Variants in PRR14L observed in about 807,000 individuals in gnomAD.
PRR14L encodes the protein proline rich 14 like.
In PRR14L, 80 loss-of-function variants were observed where a neutral mutation model predicts 155.0. The ratio of observed to expected loss-of-function variants is 0.52; its 90% CI spans 0.43 to 0.62. The LOEUF (loss-of-function observed/expected upper bound fraction) is 0.62, where lower values mean the gene tolerates loss of function less well. PRR14L is among the 20% of genes least tolerant of loss of function. The pLI is 0.00. For synonymous variants in PRR14L, 883 were observed against 916.0 expected (o/e 0.96, Z 0.65); for missense variants, 2,469 against 2,548.0 (o/e 0.97, Z 0.67).
At chr22:31,722,417 GAAAAAAAA>G (rs563612373) in intron 3 of PRR14L, among the ~76,000 whole-genome samples, 1 of 82,184 alleles carries the variant, frequency 1.2e-5, no homozygotes, top group Non-Finnish European at 2.7e-5. Flanking sequence ...GTGACAGAAA[GAAAAAAAA>G]AAAAAAAAGA....
At chr22:31,694,519 G>T (rs1490336988) in intron 7 of PRR14L, among the ~76,000 whole-genome samples, 1 of 152,064 alleles carries the variant, frequency 6.6e-6, no homozygotes, top group Non-Finnish European at 1.5e-5. Context: ...AGGCTGAGGT[G>T]GGCGGATCAT....
chr22:31,699,963 T>G (rs983709727), intron 7 of PRR14L, among the ~76,000 whole-genome samples: 1 of 152,160 alleles, frequency 6.6e-6, no homozygotes, highest in African/African-American at 2.4e-5. Context: ...AATTTTATTT[T>G]TCTCAACCCC....
At position 31,685,244 on chromosome 22, in the gene PRR14L, TGAG is replaced by T; in HGVS notation, c.*280_*282del. ...GCTTCCTCCTGTGGATGGCAGAGAC[TGAG>T]GAGGTGGCTGGATGTCGTTCAGGTC... On this transcript the variant is annotated 3_prime_UTR_variant, in exon 9 of 9. Coordinates refer to ENST00000327423, the MANE Select transcript of PRR14L (RefSeq NM_173566.3). The T allele has an allele frequency of 3.1e-6, 1 of 324,992 alleles. No homozygotes were observed. Among genetic ancestry groups the T allele is most frequent in the Admixed American group, 4.5e-5 (1 of 22,094 alleles). 20.1% of individuals were successfully genotyped at this position (324,992 alleles called of 1,614,324 possible).
rs1026311772 is a variant in PRR14L at position 31,682,775 on chromosome 22, C to T, written c.*2752G>A. ...CCACTTGGGGAGGGAAGTTCCCATA[C>T]TCAGAAACTGTACCAACTCCACCCC... On this transcript the variant is annotated 3_prime_UTR_variant, in exon 9 of 9. Coordinates refer to ENST00000327423, the MANE Select transcript of PRR14L (RefSeq NM_173566.3). 3.3e-5 allele frequency: 5 copies of T among 152,090 alleles called. No individual in the cohort carries two copies. Among genetic ancestry groups the T allele is most frequent in the Non-Finnish European group, 5.9e-5 (4 of 68,022 alleles). The allele number at this position is 152,090 out of a possible 1,614,324, so 9.4% of individuals were successfully genotyped here. A position where few individuals can be genotyped will look rare whatever the true frequency, so the allele number is the denominator to read the frequency against.
chr22:31,701,911 G>T, intron 6 of PRR14L, 149 bp from the exon 7 acceptor site: 1 of 612,066 alleles, frequency 1.6e-6, no homozygotes, highest in Non-Finnish European at 2.8e-6. Context: ...GGACTCAAAT[G>T]ATCCTCCTGC....
chr22:31,744,428 C>T (rs1276038977), intron 1 of PRR14L, among the ~76,000 whole-genome samples: 1 of 151,984 alleles, frequency 6.6e-6, no homozygotes, highest in African/African-American at 2.4e-5. Flanking sequence ...CCACTATGCC[C>T]GGCCTACTTT....
At position 31,682,518 on chromosome 22, in the gene PRR14L, A is replaced by C. The variant is rs575773494; in HGVS notation, c.*3009T>G. ...TGAACTCATGGAGACATGAAGCTGGAAAGGAGACCAAAAGCAAAAAAAGAG... is the reference window on the plus strand; with the variant it reads ...TGAACTCATGGAGACATGAAGCTGGCAAGGAGACCAAAAGCAAAAAAAGAG... On this transcript the variant is annotated 3_prime_UTR_variant, in exon 9 of 9. Coordinates refer to ENST00000327423, the MANE Select transcript of PRR14L (RefSeq NM_173566.3). The C allele has an allele frequency of 1.3e-5, 2 of 151,974 alleles. No homozygotes were observed. Among genetic ancestry groups the C allele is most frequent in the East Asian group, 3.9e-4 (2 of 5,180 alleles). The allele number at this position is 151,974 out of a possible 1,614,324, so 9.4% of individuals were successfully genotyped here. A position where few individuals can be genotyped will look rare whatever the true frequency, so the allele number is the denominator to read the frequency against.
chr22:31,696,024 C>A (rs1347753148), intron 7 of PRR14L, among the ~76,000 whole-genome samples: 1 of 152,114 alleles, frequency 6.6e-6, no homozygotes, highest in Non-Finnish European at 1.5e-5. Flanking sequence ...TAGGTTGCTA[C>A]TAAATATGTT....
At chr22:31,709,062 A>G (rs2074606854) in intron 4 of PRR14L, among the ~76,000 whole-genome samples, 1 of 151,892 alleles carries the variant, frequency 6.6e-6, no homozygotes, top group Non-Finnish European at 1.5e-5. Context: ...ACCTCAGCTG[A>G]TCTGCCCGCC....
chr22:31,712,732 A>C lies in PRR14L; in HGVS notation c.5107T>G (p.Leu1703Val), dbSNP rs537981144. The change falls in exon 4 of 9, where the codon TTG (leucine) becomes GTG (valine). Residue 1703 changes from leucine (L) to valine (V), a missense_variant. Transcript: ENST00000327423. ...LESIKMTFID[L>V]SNKMPSLLFG... is the part of the protein sequence containing the mutation. Reference sequence around the variant, plus strand: ...AGCAGGGACGGCATCTTGTTGCTCAAATCTATGAAGGTCATCTTGATGGAT... The same window carrying C: ...AGCAGGGACGGCATCTTGTTGCTCACATCTATGAAGGTCATCTTGATGGAT... 3 of 1,551,810 alleles carry C rather than the reference A, an allele frequency of 1.9e-6. No individual in the cohort carries two copies. Among genetic ancestry groups the C allele is most frequent in the Non-Finnish European group, 2.6e-6 (3 of 1,147,030 alleles).
In PRR14L at chr22:31,714,335, T is replaced by C. The variant is rs764610933; in HGVS notation, c.3504A>G (p.Ile1168Met). The C allele has an allele frequency of 1.3e-5, 20 of 1,551,624 alleles. No individual in the cohort carries two copies. In the South Asian group the frequency reaches 2.4e-4, roughly 18 times the overall value. Residue 1168 changes from isoleucine to methionine, a missense_variant, in exon 4 of 9, where the codon ATA becomes ATG. This residue lies in a region of PRR14L where 2,363 missense variants were observed against 2,371.6 expected (regional missense o/e 1.00). Transcript: ENST00000327423. ...TTAAAGACAAATTTACTCTGCCCAA[T>C]ATTCTTTTATTTGGTTCATGATCTG... ...SVADHEPNKR[I>M]LGRVNLSLND...
intron 2 of PRR14L, among the ~76,000 whole-genome samples, chr22:31,734,737 G>T (rs1472363696): frequency 6.6e-6 from 1 of 152,032 alleles, no homozygotes; most frequent in Non-Finnish European, 1.5e-5. Flanking sequence ...TTTTCAGGTT[G>T]TGTCATTAGT....
At chr22:31,729,332 C>T (rs1407840906) in intron 2 of PRR14L, among the ~76,000 whole-genome samples, 1 of 152,186 alleles carries the variant, frequency 6.6e-6, no homozygotes, top group Admixed American at 6.5e-5. Flanking sequence ...CTGCCTCAGC[C>T]TCCGGAGTAG....
chr22:31,728,793 A>G (rs1023680496), intron 2 of PRR14L, among the ~76,000 whole-genome samples: 1 of 152,128 alleles, frequency 6.6e-6, no homozygotes, highest in Non-Finnish European at 1.5e-5. Flanking sequence ...TCCTAGAACC[A>G]AAGTGTTTAC....
intron 6 of PRR14L, 141 bp downstream of exon 6, chr22:31,703,409 G>T: frequency 1.4e-6 from 1 of 727,006 alleles, no homozygotes; most frequent in Non-Finnish European, 2.2e-6. Context: ...TCCTGGCTTA[G>T]TACTCTCCAG....
chr22:31,723,612 G>A (rs2074702092), intron 3 of PRR14L, among the ~76,000 whole-genome samples: 1 of 152,198 alleles, frequency 6.6e-6, no homozygotes, highest in Admixed American at 6.5e-5. Flanking sequence ...TAAGAACAGG[G>A]TGAGATTTAT....
intron 7 of PRR14L, among the ~76,000 whole-genome samples, chr22:31,700,026 A>G (rs907754616): frequency 2.6e-5 from 4 of 152,090 alleles, no homozygotes; most frequent in African/African-American, 9.7e-5. Flanking sequence ...AGGATCTGGC[A>G]TTTGACATTT....
At chr22:31,727,150 G>A (rs1042668368) in intron 2 of PRR14L, among the ~76,000 whole-genome samples, 4 of 151,994 alleles carry the variant, frequency 2.6e-5, no homozygotes, top group Admixed American at 6.6e-5. Context: ...CTAAGGTGCC[G>A]CTAGCTGGAG....
At position 31,714,113 on chromosome 22, in the gene PRR14L, A is replaced by C. The variant is rs186332646; in HGVS notation, c.3726T>G (p.Pro1242=). ...CATTAGTTTCTGAATTTTCTTGAGAAGGCATTATTTCAATGGATTTCAGGC... is the reference window on the plus strand; with the variant it reads ...CATTAGTTTCTGAATTTTCTTGAGACGGCATTATTTCAATGGATTTCAGGC... ...LRSLKSIEIM[P]SQENSETNVN... is the part of the protein sequence containing the mutation. Residue 1242 remains proline, a synonymous_variant, in exon 4 of 9, where the codon CCT becomes CCG. Transcript: ENST00000327423. The C allele has an allele frequency of 4.9e-4, 758 of 1,550,584 alleles. 1 individual carries two copies. The highest frequency in any genetic ancestry group is 5.1e-4 in the Non-Finnish European group (590 of 1,146,784).
Sources: gnomAD v4.1 joint callset for allele counts (sites outside exome capture counted in the v4.1 genomes callset) on GRCh38, gnomAD v4.1.1 for gene constraint, gnomAD v4.1.1 regional missense constraint, MANE v1.5 for transcripts, NCBI Gene and HGNC (gene_info 2026-07-23, HGNC 2026-07-21) for gene names.